Variants in SEMA3A observed in about 807,000 individuals in gnomAD.
SEMA3A encodes the protein semaphorin-3A.
In SEMA3A, 29 loss-of-function variants were observed where a neutral mutation model predicts 97.9. The observed-to-expected ratio is 0.30, with a 90% CI of 0.22 to 0.40. SEMA3A has a LOEUF of 0.40. SEMA3A is among the 10% of genes least tolerant of loss of function. The pLI is 1.00. For missense variants in SEMA3A, 763 were observed against 951.3 expected, an observed-to-expected ratio of 0.80 and a Z score of 2.60; for synonymous variants, 321 against 323.7, an observed-to-expected ratio of 0.99 and a Z score of 0.09.
chr7:84,055,278 C>T (rs925104745), intron 5 of SEMA3A, among the ~76,000 whole-genome samples: 4 of 152,178 alleles, frequency 2.6e-5, no homozygotes, highest in Admixed American at 2.0e-4. Flanking sequence ...CAAGCCTGGG[C>T]AATGGCGGGC....
chr7:84,083,146 T>C (rs906182521), intron 4 of SEMA3A, among the ~76,000 whole-genome samples: 2 of 151,858 alleles, frequency 1.3e-5, no homozygotes, highest in Non-Finnish European at 2.9e-5. Context: ...AGATTTCCTA[T>C]CTTTAAATTT....
intron 1 of SEMA3A, among the ~76,000 whole-genome samples, chr7:84,162,219 T>C (rs1797057663): frequency 6.6e-6 from 1 of 152,186 alleles, no homozygotes; most frequent in African/African-American, 2.4e-5. Flanking sequence ...TTAGGCCTAT[T>C]TTTTCTCTAA....
chr7:84,072,675 GGAGGTGAAA>G (rs150621070), intron 4 of SEMA3A, among the ~76,000 whole-genome samples: 9,000 of 152,060 alleles, frequency 0.059, 328 homozygotes, highest in East Asian at 0.19. Context: ...TTTGGAATAC[GGAGGTGAAA>G]GATCTAGTTG....
intron 2 of SEMA3A, among the ~76,000 whole-genome samples, chr7:84,343,964 CA>C: frequency 6.6e-6 from 1 of 151,714 alleles, no homozygotes; most frequent in South Asian, 2.1e-4. Context: ...GCTATTATCA[CA>C]CCACTGCACT....
chr7:84,170,318 T>C (rs1797347228), intron 1 of SEMA3A, among the ~76,000 whole-genome samples: 1 of 152,040 alleles, frequency 6.6e-6, no homozygotes, highest in South Asian at 2.1e-4. Flanking sequence ...TACACAAAAT[T>C]AAAATGTATA....
chr7:84,014,443 T>C lies in SEMA3A; in HGVS notation c.668-92A>G, dbSNP rs185283348. The C allele has an allele frequency of 6.0e-4, 570 of 948,204 alleles. 5 individuals are homozygous for C. In the African/African-American group the frequency reaches 8.6e-3, roughly 14 times the overall value. The allele number at this position is 948,204 out of a possible 1,614,324, so 58.7% of individuals were successfully genotyped here. On this transcript the variant is annotated intron_variant, in intron 6 of 16. Transcript: ENST00000265362. Reference sequence around the variant, plus strand: ...CATTTTTACTTTTTTTAACTCTTAATTGATATATTTCAAGAAACGTATCTT... The same window carrying C: ...CATTTTTACTTTTTTTAACTCTTAACTGATATATTTCAAGAAACGTATCTT...
rs534215332 is a variant in SEMA3A, at chr7:84,291,802, C to T, written c.-83+15405G>A. ...TGAAAAGCCTCTTAGAAAGCAAAAC[C>T]GTTCCTCCATTTTAGTTCCCTAAAG... On this transcript the variant is annotated intron_variant, in intron 3 of 3. Coordinates refer to the SEMA3A transcript ENST00000424555. Among the ~76,000 whole-genome samples, 4 of 152,218 alleles carry T rather than the reference C, an allele frequency of 2.6e-5. No individual in the cohort carries two copies. The South Asian group carries it at 6.2e-4, about 24-fold the overall frequency.
In SEMA3A at chr7:84,014,373, A is replaced by G. The variant is rs749192917; in HGVS notation, c.668-22T>C. On this transcript the variant is annotated intron_variant, in intron 6 of 16. Transcript: ENST00000265362. ...GGATCTGAGAGACAAATAATAGCGT[A>G]TATATTAATTCACAGCTTAATAAAT... is the stretch of plus-strand genomic sequence containing the variant. The G allele has an allele frequency of 8.3e-6, 13 of 1,567,648 alleles. No individual in the cohort carries two copies. The Admixed American group carries it at 2.2e-4, about 26-fold the overall frequency.
rs1009298997 is a variant in SEMA3A at position 84,228,529 on chromosome 7, T to A, written c.-82-33861A>T. Among the ~76,000 whole-genome samples the A allele has an allele frequency of 5.9e-5, 9 of 152,254 alleles. No homozygotes were observed. The East Asian group carries it at 1.7e-3, about 29-fold the overall frequency. ...TTAACAGCAAAGGTAAAAATTCATGTATATATACTTCAAACTATCATGTTA... is the reference window on the plus strand; with the variant it reads ...TTAACAGCAAAGGTAAAAATTCATGAATATATACTTCAAACTATCATGTTA... On this transcript the variant is annotated intron_variant, in intron 3 of 3. Coordinates refer to the SEMA3A transcript ENST00000424555.
chr7:83,977,827 A>G (rs1173343164), intron 14 of SEMA3A, among the ~76,000 whole-genome samples: 4 of 143,930 alleles, frequency 2.8e-5, no homozygotes, highest in African/African-American at 1.0e-4. Flanking sequence ...TTTTTGAGAC[A>G]GAATCTCGCT....
At chr7:84,023,663 T>G (rs1048485319) in intron 6 of SEMA3A, among the ~76,000 whole-genome samples, 1 of 151,762 alleles carries the variant, frequency 6.6e-6, no homozygotes, top group Non-Finnish European at 1.5e-5. Flanking sequence ...AGAAATCCCC[T>G]CTCTCTCTGA....
At chr7:84,467,702 T>C (rs750589195) in intron 1 of SEMA3A, among the ~76,000 whole-genome samples, 5 of 152,050 alleles carry the variant, frequency 3.3e-5, no homozygotes, top group Non-Finnish European at 7.4e-5. Context: ...GAGAACTCTT[T>C]TCATTTACCA....
intron 4 of SEMA3A, among the ~76,000 whole-genome samples, chr7:84,077,594 G>C (rs1267266085): frequency 6.6e-6 from 1 of 151,986 alleles, no homozygotes; most frequent in Admixed American, 6.6e-5. Context: ...TTTCAGCAAA[G>C]CCTTGTCATT....
chr7:84,439,850 A>ATATATG (rs1317325159), intron 1 of SEMA3A, among the ~76,000 whole-genome samples: 1 of 152,218 alleles, frequency 6.6e-6, no homozygotes, highest in Admixed American at 6.5e-5. Flanking sequence ...TAAACCAAGA[A>ATATATG]TATATGTATT....
intron 4 of SEMA3A, among the ~76,000 whole-genome samples, chr7:84,066,016 C>T (rs1359750840): frequency 2.6e-5 from 4 of 151,450 alleles, no homozygotes; most frequent in African/African-American, 7.3e-5. Context: ...ATGCAAAAAT[C>T]CTCAATAAAA....
At chr7:84,212,413 C>A (rs1187259780) in intron 3 of SEMA3A, among the ~76,000 whole-genome samples, 1 of 152,152 alleles carries the variant, frequency 6.6e-6, no homozygotes, top group Non-Finnish European at 1.5e-5. Flanking sequence ...TTCTCCATTT[C>A]CCCAACAAGT....
At chr7:84,081,018 A>G (rs900527903) in intron 4 of SEMA3A, among the ~76,000 whole-genome samples, 1 of 124,838 alleles carries the variant, frequency 8.0e-6, no homozygotes, top group Non-Finnish European at 1.9e-5. Context: ...AGATTCCAAC[A>G]TAATTTGTGT....
intron 1 of SEMA3A, among the ~76,000 whole-genome samples, chr7:84,419,157 T>A (rs1045514059): frequency 6.6e-6 from 1 of 152,070 alleles, no homozygotes; most frequent in Admixed American, 6.6e-5. Context: ...CAATTCTAAA[T>A]AACCAGTGTG....
intron 15 of SEMA3A, among the ~76,000 whole-genome samples, chr7:83,973,151 T>G (rs1788986617): frequency 1.3e-5 from 2 of 152,176 alleles, no homozygotes; most frequent in Admixed American, 1.3e-4. Context: ...GTCCGAAATT[T>G]GGGTCCATTC....
Sources: allele counts gnomAD v4.1 joint callset (sites outside exome capture counted in the v4.1 genomes callset), GRCh38; gene constraint gnomAD v4.1.1; transcripts MANE v1.5; gene names NCBI Gene and HGNC (gene_info 2026-07-23, HGNC 2026-07-21).